Variants in SPAG16 observed in about 807,000 individuals in gnomAD.
SPAG16 encodes sperm-associated antigen 16 protein.
Under a neutral mutation model 80.4 loss-of-function variants are expected in SPAG16, and 86 were observed. The observed-to-expected ratio is 1.07, with a 90% CI of 0.90 to 1.28. The LOEUF (loss-of-function observed/expected upper bound fraction) is 1.28, where lower values mean the gene tolerates loss of function less well. SPAG16 is among the 50% of genes most tolerant of loss of function. The pLI, the probability that SPAG16 is intolerant of heterozygous loss-of-function variation, is 0.00. For synonymous variants in SPAG16, 294 were observed against 265.9 expected (o/e 1.11, Z -1.03); for missense variants, 870 against 765.3 (o/e 1.14, Z -1.61).
intron 10 of SPAG16, among the ~76,000 whole-genome samples, chr2:213,833,122 T>C (rs936559709): frequency 2.0e-5 from 3 of 151,868 alleles, no homozygotes; most frequent in Non-Finnish European, 1.5e-5. Flanking sequence ...ACACTTTTAA[T>C]ATATTTTTGT....
Position 214,392,295 on chromosome 2 carries a change from A to T in SPAG16, c.1721-17845A>T, listed in dbSNP as rs992367289. On this transcript the variant is annotated intron_variant, in intron 15 of 15. Coordinates refer to ENST00000331683, the MANE Select transcript of SPAG16 (RefSeq NM_024532.5). ...CTTGGCCTCTAGAGTAGCTGGGACT[A>T]CAGGCACCAGCCACCACACCTGGCT... 2.0e-5 allele frequency among the ~76,000 whole-genome samples: 3 copies of T among 152,176 alleles called. No homozygotes were observed. In the East Asian group the frequency reaches 5.8e-4, roughly 30 times the overall value.
chr2:213,609,256 T>C (rs2061365921), intron 10 of SPAG16, among the ~76,000 whole-genome samples: 1 of 152,202 alleles, frequency 6.6e-6, no homozygotes. Flanking sequence ...TCTAAATTAC[T>C]GGAACAGTGA....
At chr2:213,694,064 G>A (rs1370853137) in intron 10 of SPAG16, among the ~76,000 whole-genome samples, 1 of 150,294 alleles carries the variant, frequency 6.7e-6, no homozygotes, top group African/African-American at 2.5e-5. Context: ...AGAAAAAAGA[G>A]AGGGAGAGAA....
intron 10 of SPAG16, among the ~76,000 whole-genome samples, chr2:213,622,493 G>T (rs2061823339): frequency 6.6e-6 from 1 of 152,194 alleles, no homozygotes; most frequent in South Asian, 2.1e-4. Context: ...CATGGCCTCT[G>T]CTGCAGCACC....
At chr2:213,901,843 T>A (rs1028591309) in intron 11 of SPAG16, among the ~76,000 whole-genome samples, 1 of 152,160 alleles carries the variant, frequency 6.6e-6, no homozygotes, top group Non-Finnish European at 1.5e-5. Context: ...GTGTAAAGAA[T>A]GCCTGGAGTA....
At chr2:213,778,080 A>C (rs2069715288) in intron 10 of SPAG16, among the ~76,000 whole-genome samples, 2 of 152,072 alleles carry the variant, frequency 1.3e-5, no homozygotes, top group Admixed American at 1.3e-4. Context: ...CAACCCAGGA[A>C]ATCTAAATAT....
intron 10 of SPAG16, among the ~76,000 whole-genome samples, chr2:213,838,235 A>C (rs1334792928): frequency 2.6e-5 from 4 of 152,024 alleles, no homozygotes; most frequent in African/African-American, 9.7e-5. Flanking sequence ...GCAGTGGTGT[A>C]ATCTTGACTC....
At chr2:213,827,817 C>T (rs1450310864) in intron 10 of SPAG16, among the ~76,000 whole-genome samples, 1 of 151,818 alleles carries the variant, frequency 6.6e-6, no homozygotes, top group Non-Finnish European at 1.5e-5. Context: ...TCCTTCAGCA[C>T]TTTAAATATG....
chr2:214,130,201 C>T (rs1056382617), intron 14 of SPAG16, among the ~76,000 whole-genome samples: 2 of 152,178 alleles, frequency 1.3e-5, no homozygotes, highest in African/African-American at 2.4e-5. Context: ...CTGGAAGTCT[C>T]TAGCAGCCGG....
chr2:213,747,022 G>T (rs1306242634), intron 10 of SPAG16, among the ~76,000 whole-genome samples: 1 of 152,102 alleles, frequency 6.6e-6, no homozygotes, highest in Admixed American at 6.5e-5. Flanking sequence ...GTCATAAAAG[G>T]AGATAACAGC....
chr2:213,445,606 C>T (rs551656334), intron 9 of SPAG16, among the ~76,000 whole-genome samples: 3 of 152,084 alleles, frequency 2.0e-5, no homozygotes, highest in African/African-American at 7.2e-5. Flanking sequence ...GTGGAGGTTG[C>T]GGTGAGCCAA....
chr2:214,160,593 C>G (rs1212827526), intron 15 of SPAG16, among the ~76,000 whole-genome samples: 1 of 151,770 alleles, frequency 6.6e-6, no homozygotes, highest in Non-Finnish European at 1.5e-5. Flanking sequence ...TCATTCTTTC[C>G]CATTCTCCAT....
At chr2:214,332,836 G>T (rs1170416055) in intron 15 of SPAG16, among the ~76,000 whole-genome samples, 3 of 152,040 alleles carry the variant, frequency 2.0e-5, no homozygotes, top group Admixed American at 2.0e-4. Flanking sequence ...TAGGGGTTCT[G>T]TCACCTACCA....
intron 10 of SPAG16, among the ~76,000 whole-genome samples, chr2:213,739,042 A>G (rs902181119): frequency 6.6e-6 from 1 of 152,366 alleles, no homozygotes; most frequent in Non-Finnish European, 1.5e-5. Flanking sequence ...TTGTTAACAT[A>G]GCAAAATCAA....
chr2:213,350,558 G>A lies in SPAG16; in HGVS notation c.675G>A (p.Pro225=), dbSNP rs201827442. The A allele has an allele frequency of 1.9e-5, 30 of 1,583,664 alleles. No homozygotes were observed. In the East Asian group the frequency reaches 2.5e-4, roughly 13 times the overall value. ...GLKLHYASYE[P]TIRVLHEKHH... ...AGTTACATTATGCATCTTATGAACC[G>A]ACTATAAGGGTGTTACATGAGAAAC... The change falls in exon 7 of 16, where the codon CCG becomes CCA. Residue 225 remains proline (P), a synonymous_variant. Coordinates refer to ENST00000331683, the MANE Select transcript of SPAG16 (RefSeq NM_024532.5).
intron 10 of SPAG16, among the ~76,000 whole-genome samples, chr2:213,648,168 GT>G (rs1253426929): frequency 6.6e-6 from 1 of 151,974 alleles, no homozygotes; most frequent in African/African-American, 2.4e-5. Flanking sequence ...ACTTTGCAAA[GT>G]AAAGGAAAGA....
chr2:213,382,439 A>C (rs1298643364), intron 9 of SPAG16, among the ~76,000 whole-genome samples: 6 of 152,174 alleles, frequency 3.9e-5, no homozygotes, highest in Admixed American at 3.9e-4. Flanking sequence ...AGAAGTCTGG[A>C]GGTCAGTACT....
At chr2:213,386,800 A>C (rs2067451579) in intron 9 of SPAG16, among the ~76,000 whole-genome samples, 1 of 152,204 alleles carries the variant, frequency 6.6e-6, no homozygotes, top group Non-Finnish European at 1.5e-5. Context: ...TTAGCCAATC[A>C]GTGGATTACT....
At chr2:214,363,538 G>A (rs1260268180) in intron 15 of SPAG16, among the ~76,000 whole-genome samples, 2 of 151,872 alleles carry the variant, frequency 1.3e-5, no homozygotes, top group Non-Finnish European at 2.9e-5. Flanking sequence ...AATGCAATAG[G>A]TTAAAAACTG....
Sources: allele counts gnomAD v4.1 joint callset (sites outside exome capture counted in the v4.1 genomes callset), GRCh38; gene constraint gnomAD v4.1.1; transcripts MANE v1.5; gene names NCBI Gene and HGNC (gene_info 2026-07-23, HGNC 2026-07-21).